The following EFNA5 variants were observed in gnomAD, a reference collection of about 807,000 sequenced individuals.
The protein encoded by EFNA5 is ephrin-A5.
In EFNA5, 5 loss-of-function variants were observed where a neutral mutation model predicts 22.9. That is an observed-to-expected ratio of 0.22 (90% CI 0.11 to 0.46). The LOEUF is 0.46. Ranked by LOEUF, EFNA5 falls within the 20% of genes least tolerant of loss-of-function variation. The pLI is 0.99. For synonymous variants in EFNA5, 113 were observed against 112.2 expected, an observed-to-expected ratio of 1.01 and a Z score of -0.04; for missense variants, 237 against 293.3, an observed-to-expected ratio of 0.81 and a Z score of 1.40.
rs935254802 is a variant in EFNA5 at position 107,527,565 on chromosome 5, A to G, written c.126-100056T>C. Among the ~76,000 whole-genome samples the G allele has an allele frequency of 8.5e-5, 13 of 152,092 alleles. 1 individual carries two copies. The Middle Eastern group carries it at 0.01, about 119-fold the overall frequency. ...CTCCCGAAGTGCTGAGATTACAGGC[A>G]TGAGCCACTGCACCCAGCCTAAAAC... On this transcript the variant is annotated intron_variant, in intron 1 of 4. Coordinates refer to ENST00000333274, the MANE Select transcript of EFNA5 (RefSeq NM_001962.3).
chr5:107,404,231 T>C (rs1475240563), intron 2 of EFNA5, among the ~76,000 whole-genome samples: 1 of 152,224 alleles, frequency 6.6e-6, no homozygotes, highest in Non-Finnish European at 1.5e-5. Context: ...AAATCAATGT[T>C]GTAGTCAATA....
At chr5:107,445,177 C>G (rs1749357547) in intron 1 of EFNA5, among the ~76,000 whole-genome samples, 11 of 152,100 alleles carry the variant, frequency 7.2e-5, no homozygotes, top group Admixed American at 7.2e-4. Flanking sequence ...CATCCACCGT[C>G]ACACTCGGCT....
intron 1 of EFNA5, among the ~76,000 whole-genome samples, chr5:107,648,289 T>C (rs1216892719): frequency 6.6e-6 from 1 of 152,178 alleles, no homozygotes; most frequent in Admixed American, 6.5e-5. Context: ...AGTTGAGCTT[T>C]GTCAAAACAT....
chr5:107,504,947 T>C (rs1287437416), intron 1 of EFNA5, among the ~76,000 whole-genome samples: 1 of 152,202 alleles, frequency 6.6e-6, no homozygotes, highest in Admixed American at 6.6e-5. Flanking sequence ...ATCCTATTTA[T>C]TATTCAATTA....
intron 2 of EFNA5, among the ~76,000 whole-genome samples, chr5:107,414,160 G>A (rs944891570): frequency 1.3e-5 from 2 of 152,130 alleles, no homozygotes; most frequent in African/African-American, 4.8e-5. Context: ...TCATAAAGTT[G>A]AACGAATCAA....
Position 107,619,566 on chromosome 5 carries a change from G to A in EFNA5, c.125+50923C>T, listed in dbSNP as rs550949007. 1.9e-3 allele frequency among the ~76,000 whole-genome samples: 286 copies of A among 150,784 alleles called. 1 individual carries two copies. The highest frequency in any genetic ancestry group is 6.8e-3 in the Middle Eastern group (2 of 292). Reference sequence around the variant, plus strand: ...CAACCTCTGCCTCCTGAGTTCACGCGATTCTCCTGCCTCAGCCTCTCAAGT... The same window carrying A: ...CAACCTCTGCCTCCTGAGTTCACGCAATTCTCCTGCCTCAGCCTCTCAAGT... On this transcript the variant is annotated intron_variant, in intron 1 of 4. Coordinates refer to ENST00000333274, the MANE Select transcript of EFNA5 (RefSeq NM_001962.3).
At chr5:107,646,636 G>A (rs903804925) in intron 1 of EFNA5, among the ~76,000 whole-genome samples, 3 of 152,078 alleles carry the variant, frequency 2.0e-5, no homozygotes, top group Admixed American at 6.6e-5. Flanking sequence ...GAGACAGAAA[G>A]GGTCACACAT....
intron 1 of EFNA5, among the ~76,000 whole-genome samples, chr5:107,495,266 C>T (rs927637459): frequency 6.6e-6 from 1 of 152,250 alleles, no homozygotes; most frequent in East Asian, 1.9e-4. Context: ...GGACCAGGAG[C>T]CCACCGGGAG....
chr5:107,592,037 ATATAT>A (rs1749378760), intron 1 of EFNA5, among the ~76,000 whole-genome samples: 1 of 90,456 alleles, frequency 1.1e-5, no homozygotes, highest in Admixed American at 1.8e-4. Context: ...ATTATATATT[ATATAT>A]ATTATACATT....
intron 1 of EFNA5, among the ~76,000 whole-genome samples, chr5:107,522,695 T>G (rs1315945977): frequency 6.6e-6 from 1 of 152,188 alleles, no homozygotes; most frequent in Non-Finnish European, 1.5e-5. Context: ...CTGGCCTCTT[T>G]CTAATTTTTC....
intron 2 of EFNA5, among the ~76,000 whole-genome samples, chr5:107,423,377 T>C (rs1309055061): frequency 1.3e-5 from 2 of 150,328 alleles, no homozygotes; most frequent in South Asian, 2.1e-4. Context: ...GTATCATTTC[T>C]AAATTGAGTA....
chr5:107,565,403 T>C (rs113918385), intron 1 of EFNA5, among the ~76,000 whole-genome samples: 1 of 152,236 alleles, frequency 6.6e-6, no homozygotes, highest in African/African-American at 2.4e-5. Context: ...AATTACATTA[T>C]ATCAAATCCA....
intron 1 of EFNA5, among the ~76,000 whole-genome samples, chr5:107,614,444 A>G (rs1272181911): frequency 2.0e-5 from 3 of 152,192 alleles, no homozygotes; most frequent in East Asian, 3.8e-4. Flanking sequence ...TTAAATTATC[A>G]TGGAAATATA....
intron 2 of EFNA5, among the ~76,000 whole-genome samples, chr5:107,393,511 A>T (rs1432064222): frequency 6.6e-6 from 1 of 152,168 alleles, no homozygotes; most frequent in Non-Finnish European, 1.5e-5. Flanking sequence ...TCCCATGTCA[A>T]TCTGGGTACT....
chr5:107,399,338 A>AC (rs1748023604), intron 2 of EFNA5, among the ~76,000 whole-genome samples: 4 of 148,912 alleles, frequency 2.7e-5, no homozygotes, highest in African/African-American at 7.5e-5. Context: ...AGGAAAGGAA[A>AC]GGAAAGGAAA....
intron 1 of EFNA5, among the ~76,000 whole-genome samples, chr5:107,622,907 G>A (rs1276390005): frequency 1.3e-5 from 2 of 151,002 alleles, no homozygotes; most frequent in African/African-American, 4.9e-5. Flanking sequence ...TGTAGTCCCA[G>A]CTACTCGGGA....
intron 1 of EFNA5, among the ~76,000 whole-genome samples, chr5:107,452,217 G>A (rs1211502044): frequency 6.6e-6 from 1 of 152,110 alleles, no homozygotes; most frequent in South Asian, 2.1e-4. Flanking sequence ...TTTTACCGGG[G>A]TTGGGGGTGA....
chr5:107,520,897 C>T (rs2112442952), intron 1 of EFNA5, among the ~76,000 whole-genome samples: 1 of 152,284 alleles, frequency 6.6e-6, no homozygotes, highest in African/African-American at 2.4e-5. Context: ...TGTAGTCATA[C>T]ACAATATTTA....
chr5:107,491,560 C>A (rs2112414102), intron 1 of EFNA5, among the ~76,000 whole-genome samples: 1 of 152,344 alleles, frequency 6.6e-6, no homozygotes, highest in African/African-American at 2.4e-5. Flanking sequence ...ATCCACCTGC[C>A]TTGGCCTCCC....
Sources: allele counts gnomAD v4.1 joint callset (sites outside exome capture counted in the v4.1 genomes callset), GRCh38; gene constraint gnomAD v4.1.1; transcripts MANE v1.5; gene names NCBI Gene and HGNC (gene_info 2026-07-23, HGNC 2026-07-21).